Variants in BNC2 observed in about 807,000 individuals in gnomAD.
BNC2 encodes the protein basonuclin zinc finger protein 2, also known as zinc finger protein basonuclin-2.
A neutral mutation model predicts 76.3 loss-of-function variants in BNC2; 20 were observed. The observed-to-expected ratio is 0.26, with a 90% CI of 0.18 to 0.38. BNC2 has a LOEUF of 0.38. Ranked by LOEUF, BNC2 falls within the 10% of genes least tolerant of loss-of-function variation. The pLI, the probability that BNC2 is intolerant of heterozygous loss-of-function variation, is 1.00. For synonymous variants in BNC2, 582 were observed against 514.8 expected (o/e 1.13, Z -1.77); for missense variants, 1,382 against 1,399.8 (o/e 0.99, Z 0.20).
At chr9:16,620,431 T>G (rs777578700) in intron 3 of BNC2, among the ~76,000 whole-genome samples, 4 of 152,194 alleles carry the variant, frequency 2.6e-5, no homozygotes, top group Non-Finnish European at 5.9e-5. Context: ...AAATTCCTGA[T>G]CCATTAAAAA....
rs563508730 is a variant in BNC2 at position 16,679,482 on chromosome 9, G to A, written c.330+48315C>T. On this transcript the variant is annotated intron_variant, in intron 3 of 6. Coordinates refer to ENST00000380672, the MANE Select transcript of BNC2 (RefSeq NM_017637.6). Reference sequence around the variant, plus strand: ...TGCACACAGGCTGCTAGACACATGTGCATGGCAAATGGAATCTGAACTTAG... The same window carrying A: ...TGCACACAGGCTGCTAGACACATGTACATGGCAAATGGAATCTGAACTTAG... Among the ~76,000 whole-genome samples, 14 of 152,288 alleles carry A rather than the reference G, an allele frequency of 9.2e-5. No homozygotes were observed. In the South Asian group the frequency reaches 1.7e-3, roughly 18 times the overall value.
chr9:16,855,134 C>T (rs72713828), intron 1 of BNC2, among the ~76,000 whole-genome samples: 8,232 of 149,958 alleles, frequency 0.055, 342 homozygotes, highest in Non-Finnish European at 0.082. Flanking sequence ...GTTCACATGG[C>T]GTGTGTGTGT....
intron 2 of BNC2, among the ~76,000 whole-genome samples, chr9:16,737,393 G>A (rs1824707359): frequency 6.6e-6 from 1 of 151,674 alleles, no homozygotes; most frequent in Non-Finnish European, 1.5e-5. Context: ...TGGGACTACA[G>A]GCGCCCGCCA....
chr9:16,712,486 G>A (rs1481488238), intron 3 of BNC2, among the ~76,000 whole-genome samples: 3 of 152,144 alleles, frequency 2.0e-5, no homozygotes, highest in South Asian at 2.1e-4. Context: ...AAGACAAAAT[G>A]TAAATAAAAC....
chr9:16,690,534 T>C (rs575110216), intron 3 of BNC2, among the ~76,000 whole-genome samples: 131 of 152,316 alleles, frequency 8.6e-4, no homozygotes, highest in African/African-American at 3.0e-3. Flanking sequence ...AGTGAAACCC[T>C]GTTTCAAATA....
chr9:16,806,076 A>T (rs1193297202), intron 1 of BNC2, among the ~76,000 whole-genome samples: 2 of 152,234 alleles, frequency 1.3e-5, no homozygotes. Context: ...TCCCAAAATG[A>T]TTTAAAAGGG....
chr9:16,704,469 T>G (rs1054530378), intron 3 of BNC2, among the ~76,000 whole-genome samples: 8 of 151,898 alleles, frequency 5.3e-5, no homozygotes, highest in Non-Finnish European at 8.8e-5. Context: ...ATCTTTCAAC[T>G]GCTCCATTTC....
chr9:16,826,529 T>G (rs756993787), intron 1 of BNC2, among the ~76,000 whole-genome samples: 1 of 152,176 alleles, frequency 6.6e-6, no homozygotes, highest in African/African-American at 2.4e-5. Flanking sequence ...ATTAAGCTGC[T>G]TGCCATATTC....
At chr9:16,711,173 A>G (rs1237777686) in intron 3 of BNC2, among the ~76,000 whole-genome samples, 1 of 152,206 alleles carries the variant, frequency 6.6e-6, no homozygotes, top group African/African-American at 2.4e-5. Context: ...GAGAAACGCA[A>G]GAGCAAAGAA....
At chr9:16,539,685 AGG>A (rs1369340993) in intron 5 of BNC2, among the ~76,000 whole-genome samples, 2,386 of 115,804 alleles carry the variant, frequency 0.021, 356 homozygotes, top group African/African-American at 0.09. Flanking sequence ...GGAGGAAGGA[AGG>A]AAGGGAGAAA....
intron 1 of BNC2, among the ~76,000 whole-genome samples, chr9:16,857,094 G>A (rs1040411289): frequency 6.6e-6 from 1 of 152,088 alleles, no homozygotes; most frequent in African/African-American, 2.4e-5. Flanking sequence ...GTTTTATTCA[G>A]TATGAATAAA....
chr9:16,649,090 T>C (rs1821721618), intron 3 of BNC2, among the ~76,000 whole-genome samples: 1 of 152,202 alleles, frequency 6.6e-6, no homozygotes, highest in South Asian at 2.1e-4. Context: ...CTTTGTACAC[T>C]ACTGGGATAT....
intron 3 of BNC2, among the ~76,000 whole-genome samples, chr9:16,584,461 T>A (rs771357267): frequency 2.6e-5 from 4 of 152,200 alleles, no homozygotes; most frequent in Non-Finnish European, 4.4e-5. Context: ...TAATATTAAA[T>A]CTATGGATCC....
chr9:16,720,475 T>A (rs1387785346), intron 3 of BNC2, among the ~76,000 whole-genome samples: 1 of 152,168 alleles, frequency 6.6e-6, no homozygotes. Context: ...CACCACTCAA[T>A]GACACATAAA....
intron 4 of BNC2, among the ~76,000 whole-genome samples, chr9:16,560,661 C>T (rs1818983696): frequency 6.6e-6 from 1 of 152,194 alleles, no homozygotes; most frequent in Admixed American, 6.5e-5. Flanking sequence ...CCAGGAGTTC[C>T]AGGCTGCAGT....
Position 16,418,998 on chromosome 9 carries a change from TGAAGTGAAGG to T in BNC2, c.3281_3290del (p.Pro1094GlnfsTer2). On this transcript the variant is annotated frameshift_variant, in exon 7 of 7. Coordinates refer to ENST00000380672, the MANE Select transcript of BNC2 (RefSeq NM_017637.6). LOFTEE classifies it high-confidence loss of function. ...AGTGTCCATTCTGAGACTAATCTAC[TGAAGTGAAGG>T]GAATGTTTTTGTGGAGATTAGGGTT... The T allele has an allele frequency of 1.2e-6, 2 of 1,614,082 alleles. No individual in the cohort carries two copies. Among genetic ancestry groups the T allele is most frequent in the Middle Eastern group, 1.6e-4 (1 of 6,062 alleles).
chr9:16,760,661 A>G (rs1012011481), intron 1 of BNC2, among the ~76,000 whole-genome samples: 3 of 152,174 alleles, frequency 2.0e-5, no homozygotes, highest in Admixed American at 2.0e-4. Flanking sequence ...TCTAAGGATA[A>G]CCCAGTTGGA....
intron 3 of BNC2, among the ~76,000 whole-genome samples, chr9:16,593,284 G>T (rs1819981962): frequency 6.6e-6 from 1 of 152,056 alleles, no homozygotes; most frequent in Admixed American, 6.6e-5. Context: ...TTCTACAACT[G>T]TGTGAATATA....
intron 1 of BNC2, among the ~76,000 whole-genome samples, chr9:16,826,833 T>C (rs1418336785): frequency 1.3e-5 from 2 of 152,144 alleles, no homozygotes; most frequent in Non-Finnish European, 2.9e-5. Context: ...GATGGATGGA[T>C]GGATGATCGA....
Sources: gnomAD v4.1 joint callset for allele counts (sites outside exome capture counted in the v4.1 genomes callset) on GRCh38, gnomAD v4.1.1 for gene constraint, MANE v1.5 for transcripts, NCBI Gene and HGNC (gene_info 2026-07-23, HGNC 2026-07-21) for gene names.